The following PTPRT variants were observed in gnomAD, a reference collection of about 807,000 sequenced individuals.
PTPRT encodes protein tyrosine phosphatase receptor type T, also known as receptor-type tyrosine-protein phosphatase T.
Under a neutral mutation model 176.8 loss-of-function variants are expected in PTPRT, and 56 were observed. The observed-to-expected ratio is 0.32, with a 90% CI of 0.26 to 0.40. The LOEUF is 0.40. Among genes scored for constraint, PTPRT ranks in the 10% least tolerant of loss-of-function variants. The probability of loss-of-function intolerance (pLI) is 1.00; values close to 1 mark genes in which losing one functional copy is unlikely to be tolerated. For synonymous variants in PTPRT, 783 were observed against 739.0 expected (o/e 1.06, Z -0.96); for missense variants, 1,540 against 1,908.2 (o/e 0.81, Z 3.60).
intron 5 of PTPRT, among the ~76,000 whole-genome samples, chr20:42,770,362 C>T (rs897762259): frequency 1.3e-5 from 2 of 152,182 alleles, no homozygotes; most frequent in Non-Finnish European, 2.9e-5. Flanking sequence ...CTGCACTGAA[C>T]AGCATGGCTC....
At chr20:42,634,035 TA>T (rs1215249751) in intron 7 of PTPRT, among the ~76,000 whole-genome samples, 5 of 28,316 alleles carry the variant, frequency 1.8e-4, no homozygotes, top group Admixed American at 1.4e-3. Flanking sequence ...ATATATATTA[TA>T]TATATTATAT....
In PTPRT at chr20:42,076,979, G is replaced by GA. The variant is rs1982836895; in HGVS notation, c.*3899dup. 1.0e-5 allele frequency: 2 copies of GA among 193,266 alleles called. No individual in the cohort carries two copies. The highest frequency in any genetic ancestry group is 2.2e-5 in the Non-Finnish European group (2 of 92,576). 12.0% of individuals were successfully genotyped at this position (193,266 alleles called of 1,614,324 possible). On this transcript the variant is annotated 3_prime_UTR_variant, in exon 31 of 31. Transcript: ENST00000373187. ...TGGAAAAATATTGTCTCTGTAGTGAGAAAAAACCGGTTTAAATCCTGGTTC... is the reference window on the plus strand; with the variant it reads ...TGGAAAAATATTGTCTCTGTAGTGAGAAAAAAACCGGTTTAAATCCTGGTTC...
chr20:42,124,448 A>T (rs1034284249), intron 19 of PTPRT, among the ~76,000 whole-genome samples: 4 of 152,072 alleles, frequency 2.6e-5, no homozygotes, highest in Non-Finnish European at 4.4e-5. Context: ...TGGCCAATAC[A>T]TTTTCGGGTG....
chr20:42,620,361 A>G lies in PTPRT; in HGVS notation c.1153+57505T>C, dbSNP rs1197669540. 5.4e-5 allele frequency among the ~76,000 whole-genome samples: 8 copies of G among 148,928 alleles called. No homozygotes were observed. The South Asian group carries it at 1.7e-3, about 32-fold the overall frequency. On this transcript the variant is annotated intron_variant, in intron 7 of 30. Coordinates refer to ENST00000373187, the MANE Select transcript of PTPRT (RefSeq NM_007050.6). ...CTCTTCAAAGCTGTCAGACAGGGACACTTAAGTCTGTAGAGGTTACTGCTG... is the reference window on the plus strand; with the variant it reads ...CTCTTCAAAGCTGTCAGACAGGGACGCTTAAGTCTGTAGAGGTTACTGCTG...
chr20:42,893,725 ATT>A (rs2079238866), intron 1 of PTPRT, among the ~76,000 whole-genome samples: 2 of 151,726 alleles, frequency 1.3e-5, no homozygotes, highest in Admixed American at 6.6e-5. Flanking sequence ...CATGGATGAA[ATT>A]GGAAATCATC....
rs528995201 is a variant in PTPRT at position 42,367,337 on chromosome 20, T to G, written c.1561-15052A>C. On this transcript the variant is annotated intron_variant, in intron 9 of 30. Transcript: ENST00000373187. ...GTCAGTCAGACCTGAATCTACAACA[T>G]CAGAGAGGGTGTTTGATGGTATTTT... 8.5e-5 allele frequency among the ~76,000 whole-genome samples: 13 copies of G among 152,298 alleles called. No homozygotes were observed. The South Asian group carries it at 2.1e-3, about 24-fold the overall frequency.
At chr20:42,487,253 T>C (rs16986975) in intron 7 of PTPRT, among the ~76,000 whole-genome samples, 2,082 of 152,276 alleles carry the variant, frequency 0.014, 47 homozygotes, top group East Asian at 0.11. Flanking sequence ...ACCCTGGCAT[T>C]TGCAGTCTTT....
intron 7 of PTPRT, among the ~76,000 whole-genome samples, chr20:42,663,128 G>C (rs2146009042): frequency 6.6e-6 from 1 of 152,140 alleles, no homozygotes; most frequent in South Asian, 2.1e-4. Flanking sequence ...TCCATTCAAA[G>C]AAACACTTTG....
At chr20:42,408,587 G>A (rs897363070) in intron 9 of PTPRT, among the ~76,000 whole-genome samples, 3 of 136,432 alleles carry the variant, frequency 2.2e-5, no homozygotes, top group Middle Eastern at 3.4e-3. Flanking sequence ...TGGACCTTTT[G>A]TGTGAAATCT....
At chr20:42,509,991 T>C (rs544103839) in intron 7 of PTPRT, among the ~76,000 whole-genome samples, 1 of 152,232 alleles carries the variant, frequency 6.6e-6, no homozygotes, top group African/African-American at 2.4e-5. Flanking sequence ...TAGAAGGACA[T>C]GTCACCTCAC....
intron 9 of PTPRT, among the ~76,000 whole-genome samples, chr20:42,429,375 C>A (rs577685747): frequency 6.6e-6 from 1 of 152,124 alleles, no homozygotes; most frequent in East Asian, 1.9e-4. Context: ...ACTAAGTAAG[C>A]GAGAGTGGGA....
At chr20:42,693,152 T>A (rs6072831) in intron 6 of PTPRT, among the ~76,000 whole-genome samples, 152,344 of 152,354 alleles carry the variant, frequency 1, 76,167 homozygotes, top group Non-Finnish European at 1. Flanking sequence ...ATATGTGCAT[T>A]TGTGTATATA....
chr20:42,426,019 T>C (rs766068354), intron 9 of PTPRT, among the ~76,000 whole-genome samples: 2 of 152,078 alleles, frequency 1.3e-5, no homozygotes, highest in Non-Finnish European at 2.9e-5. Context: ...GGTACCCAAA[T>C]GCTGGATTAA....
intron 1 of PTPRT, among the ~76,000 whole-genome samples, chr20:43,053,786 C>A (rs933192800): frequency 1.3e-5 from 2 of 152,162 alleles, no homozygotes; most frequent in Non-Finnish European, 2.9e-5. Flanking sequence ...ATCTGCTCAC[C>A]GCTATAACCC....
At chr20:42,482,692 C>T (rs565246522) in intron 7 of PTPRT, among the ~76,000 whole-genome samples, 2 of 152,204 alleles carry the variant, frequency 1.3e-5, no homozygotes, top group South Asian at 4.1e-4. Context: ...TTGGGAAAGG[C>T]TTATGTCTAC....
chr20:42,111,677 C>A (rs1331836630), intron 22 of PTPRT, among the ~76,000 whole-genome samples: 2 of 152,188 alleles, frequency 1.3e-5, no homozygotes, highest in Admixed American at 6.5e-5. Flanking sequence ...ATATAAATCC[C>A]TATATTTTTA....
intron 19 of PTPRT, among the ~76,000 whole-genome samples, chr20:42,123,283 G>A (rs1329727802): frequency 2.6e-5 from 4 of 152,208 alleles, no homozygotes; most frequent in Non-Finnish European, 5.9e-5. Context: ...GAGTTAGATG[G>A]CTTGGATTCT....
At chr20:43,036,634 G>A (rs867808469) in intron 1 of PTPRT, among the ~76,000 whole-genome samples, 1 of 152,048 alleles carries the variant, frequency 6.6e-6, no homozygotes, top group African/African-American at 2.4e-5. Flanking sequence ...AAAATCTGAA[G>A]TTAGCTATGA....
At chr20:42,680,133 G>A (rs551755035) in intron 6 of PTPRT, among the ~76,000 whole-genome samples, 136 of 152,358 alleles carry the variant, frequency 8.9e-4, no homozygotes, top group African/African-American at 3.1e-3. Context: ...AGGGCTTTGA[G>A]ATAGAGACGC....
Sources: allele counts gnomAD v4.1 joint callset (sites outside exome capture counted in the v4.1 genomes callset), GRCh38; gene constraint gnomAD v4.1.1; transcripts MANE v1.5; gene names NCBI Gene and HGNC (gene_info 2026-07-23, HGNC 2026-07-21).